SLC11A2: variants seen among roughly 807,000 people sequenced by gnomAD.
SLC11A2 encodes natural resistance-associated macrophage protein 2.
A neutral mutation model predicts 68.0 loss-of-function variants in SLC11A2; 38 were observed. The ratio of observed to expected loss-of-function variants is 0.56; its 90% CI spans 0.43 to 0.73. The LOEUF (loss-of-function observed/expected upper bound fraction) is 0.73, where lower values mean the gene tolerates loss of function less well. SLC11A2 is among the 30% of genes least tolerant of loss of function. The pLI is 0.00. For synonymous variants in SLC11A2, 242 were observed against 250.6 expected (o/e 0.97, Z 0.32); for missense variants, 517 against 690.5 (o/e 0.75, Z 2.82).
At chr12:50,969,740 A>ATAATGAAT in the SLC11A2 span, among the ~76,000 whole-genome samples, 3 of 152,052 alleles carry the variant, frequency 2.0e-5, no homozygotes, top group African/African-American at 7.2e-5. Flanking sequence ...CATACTTACA[A>ATAATGAAT]TAATGAATAT....
Position 50,986,629 on chromosome 12 carries a change from T to G in SLC11A2, c.*1696A>C, listed in dbSNP as rs1388869024. On this transcript the variant is annotated 3_prime_UTR_variant, in exon 16 of 16. Transcript: ENST00000262052. ...ACTGCAGCCAGGTGAGAGCTTAAGATGTCAGTCCCCAATATCTTCACAGAG... is the reference window on the plus strand; with the variant it reads ...ACTGCAGCCAGGTGAGAGCTTAAGAGGTCAGTCCCCAATATCTTCACAGAG... The G allele has an allele frequency of 1.6e-6, 2 of 1,286,822 alleles. No homozygotes were observed. The highest frequency in any genetic ancestry group is 4.6e-5 in the Admixed American group (2 of 43,470). 79.7% of individuals were successfully genotyped at this position (1,286,822 alleles called of 1,614,324 possible). A position where few individuals can be genotyped will look rare whatever the true frequency, so the allele number is the denominator to read the frequency against.
At chr12:50,963,301 C>T in the SLC11A2 span, among the ~76,000 whole-genome samples, 4 of 134,916 alleles carry the variant, frequency 3.0e-5, no homozygotes, top group East Asian at 4.8e-4. Flanking sequence ...ACCTGGGAAG[C>T]GGAGGCTGCA....
chr12:51,018,770 C>CAAAT (rs928233294), intron 1 of SLC11A2, among the ~76,000 whole-genome samples: 11 of 151,962 alleles, frequency 7.2e-5, no homozygotes, highest in South Asian at 2.1e-4. Flanking sequence ...CTGTCATAAA[C>CAAAT]AAATAAATAA....
At chr12:50,979,658 G>A, downstream of SLC11A2, 1 of 360,716 alleles carries the variant, frequency 2.8e-6, no homozygotes, top group South Asian at 2.1e-5. Flanking sequence ...GAGTTGCAGG[G>A]TTGGCTGCTC....
At position 50,986,430 on chromosome 12, in the gene SLC11A2, A is replaced by G; in HGVS notation, c.*1895T>C. ...GCCATTTAATTGGAAGGAGTTTTCT[A>G]TCATTGCAAGTCATAAATATAACTT... On this transcript the variant is annotated 3_prime_UTR_variant, in exon 16 of 16. Coordinates refer to ENST00000262052, the MANE Select transcript of SLC11A2 (RefSeq NM_000617.3). 7.8e-7 allele frequency: 1 copy of G among 1,284,154 alleles called. No individual in the cohort carries two copies. Among genetic ancestry groups the G allele is most frequent in the African/African-American group, 1.5e-5 (1 of 65,832 alleles). 79.5% of individuals were successfully genotyped at this position (1,284,154 alleles called of 1,614,324 possible). A position where few individuals can be genotyped will look rare whatever the true frequency, so the allele number is the denominator to read the frequency against.
chr12:51,025,727 G>A (rs1944336184), intron 1 of SLC11A2: 1 of 984,392 alleles, frequency 1.0e-6, no homozygotes, highest in Non-Finnish European at 1.2e-6. Context: ...CTGGAATCCA[G>A]AGGGTCCCTG....
intron 10 of SLC11A2, 96 bp downstream of exon 10, chr12:50,995,533 C>T: frequency 1.6e-6 from 2 of 1,231,480 alleles, no homozygotes; most frequent in Non-Finnish European, 1.2e-6. Flanking sequence ...TTCTCCTGAA[C>T]ATTAACACTA....
the SLC11A2 span, among the ~76,000 whole-genome samples, chr12:50,965,261 G>A: frequency 6.6e-6 from 1 of 150,820 alleles, no homozygotes; most frequent in South Asian, 2.1e-4. Context: ...CTACACGTGT[G>A]CACCACCATG....
At chr12:50,968,392 TG>T in the SLC11A2 span, among the ~76,000 whole-genome samples, 8 of 150,818 alleles carry the variant, frequency 5.3e-5, 1 homozygote, top group Admixed American at 6.6e-5. Flanking sequence ...TCTTTTTTTG[TG>T]TGTGTGTGGG....
chr12:50,987,341 A>C lies in SLC11A2; in HGVS notation c.*984T>G. 1 of 1,287,228 alleles carries C rather than the reference A, an allele frequency of 7.8e-7. No individual in the cohort carries two copies. Among genetic ancestry groups the C allele is most frequent in the Non-Finnish European group, 1.0e-6 (1 of 988,702 alleles). 79.7% of individuals were successfully genotyped at this position (1,287,228 alleles called of 1,614,324 possible). A position where few individuals can be genotyped will look rare whatever the true frequency, so the allele number is the denominator to read the frequency against. On this transcript the variant is annotated 3_prime_UTR_variant, in exon 16 of 16. Coordinates refer to ENST00000262052, the MANE Select transcript of SLC11A2 (RefSeq NM_000617.3). The stretch of plus-strand genomic sequence containing the variant: ...GATTGCCTCGCAAGTCATCTTGGGC[A>C]TGAAGCAGAGCGGTGCATCAGAAAA...
At chr12:50,982,520 G>A (rs533567413), downstream of SLC11A2, among the ~76,000 whole-genome samples, 27 of 152,222 alleles carry the variant, frequency 1.8e-4, no homozygotes, top group Admixed American at 6.5e-4. Flanking sequence ...CCAGCTAATC[G>A]GGAGGCTGAG....
downstream of SLC11A2, chr12:50,981,845 G>C: frequency 8.4e-7 from 1 of 1,186,238 alleles, no homozygotes; most frequent in Non-Finnish European, 1.2e-6. Context: ...TGATTTTCAC[G>C]TATTTATTGA....
In SLC11A2 at chr12:51,010,733, G is replaced by A. The variant is rs1362094960; in HGVS notation, c.-5C>T. ...CTGTTCAGGACCCAGCACCATGGTG[G>A]ATACCTGAGTGGCTGAGTTCTTAGA... On this transcript the variant is annotated 5_prime_UTR_variant, in exon 2 of 16. Transcript: ENST00000262052. 1 of 1,606,724 alleles carries A rather than the reference G, an allele frequency of 6.2e-7. No individual in the cohort carries two copies. Among genetic ancestry groups the A allele is most frequent in the Non-Finnish European group, 8.5e-7 (1 of 1,173,732 alleles).
chr12:51,020,224 CTT>C lies in SLC11A2; in HGVS notation c.-39+6084_-39+6085del, dbSNP rs553339563. On this transcript the variant is annotated intron_variant, in intron 1 of 15. Coordinates refer to ENST00000262052, the MANE Select transcript of SLC11A2 (RefSeq NM_000617.3). ...TACAGGCACGTACCACCACAGCTGG[CTT>C]TTTTTTTTTTTTGTAAAGGTGGGGT... is the stretch of plus-strand genomic sequence containing the variant. Among the ~76,000 whole-genome samples the C allele has an allele frequency of 5.1e-5, 7 of 137,494 alleles. No homozygotes were observed. In the East Asian group the frequency reaches 6.3e-4, roughly 12 times the overall value. The allele number at this position is 137,494 out of a possible 152,430, so 90.2% of individuals were successfully genotyped here. A position where few individuals can be genotyped will look rare whatever the true frequency, so the allele number is the denominator to read the frequency against.
intron 1 of SLC11A2, among the ~76,000 whole-genome samples, chr12:51,020,753 C>A (rs938640238): frequency 6.6e-6 from 1 of 152,012 alleles, no homozygotes; most frequent in African/African-American, 2.4e-5. Context: ...CCATTTTTTT[C>A]TTGGTATTAT....
chr12:51,001,901 G>C (rs1204202780), intron 5 of SLC11A2, among the ~76,000 whole-genome samples: 1 of 152,122 alleles, frequency 6.6e-6, no homozygotes, highest in African/African-American at 2.4e-5. Flanking sequence ...TAATGCCCAC[G>C]TATGCAAAAG....
chr12:50,979,934 A>G (rs1253002760), downstream of SLC11A2: 7 of 453,988 alleles, frequency 1.5e-5, no homozygotes, highest in Non-Finnish European at 2.6e-5. Flanking sequence ...CTAGAAAGAA[A>G]TGAGGAGTGA....
chr12:51,022,877 C>A (rs917513795), intron 1 of SLC11A2, among the ~76,000 whole-genome samples: 1 of 152,056 alleles, frequency 6.6e-6, no homozygotes, highest in Non-Finnish European at 1.5e-5. Context: ...CAATAAGCAC[C>A]AAAACAAGAC....
chr12:51,028,325 C>T (rs1944467902), upstream of SLC11A2: 1 of 793,474 alleles, frequency 1.3e-6, no homozygotes, highest in Non-Finnish European at 2.0e-6. Flanking sequence ...TTTGGGTGCT[C>T]TAAGCAACAC....
Sources: gnomAD v4.1 joint callset for allele counts (sites outside exome capture counted in the v4.1 genomes callset) on GRCh38, gnomAD v4.1.1 for gene constraint, MANE v1.5 for transcripts, NCBI Gene and HGNC (gene_info 2026-07-23, HGNC 2026-07-21) for gene names.